JHY: variants seen among roughly 807,000 people sequenced by gnomAD.
JHY encodes the protein junctional cadherin complex regulator.
A neutral mutation model predicts 78.0 loss-of-function variants in JHY; 69 were observed. The observed-to-expected ratio is 0.88, with a 90% CI of 0.73 to 1.08. The LOEUF is 1.08. Ranked by LOEUF, JHY falls within the 50% of genes least tolerant of loss-of-function variation. The probability of loss-of-function intolerance (pLI) is 0.00; values close to 1 mark genes in which losing one functional copy is unlikely to be tolerated. For missense variants in JHY, 944 were observed against 927.8 expected (o/e 1.02, Z -0.23); for synonymous variants, 368 against 342.6 (o/e 1.07, Z -0.82).
Position 122,904,224 on chromosome 11 carries a change from A to G in JHY, c.644A>G (p.Asp215Gly). 1 of 1,614,214 alleles carries G rather than the reference A, an allele frequency of 6.2e-7. No individual in the cohort carries two copies. Among genetic ancestry groups the G allele is most frequent in the Non-Finnish European group, 8.5e-7 (1 of 1,180,042 alleles). ...AGCAAGCCGTTTTCAGAGCTGAGCGACAGTGACCTGGAGGAGAAGTCGAGC... is the reference window on the plus strand; with the variant it reads ...AGCAAGCCGTTTTCAGAGCTGAGCGGCAGTGACCTGGAGGAGAAGTCGAGC... The part of the protein sequence containing the change: ...RRSKPFSELS[D>G]SDLEEKSSSL... Residue 215 changes from aspartate (D) to glycine (G), a missense_variant, in exon 3 of 9, where the codon GAC becomes GGC. Physicochemically the swap from Asp to Gly is moderately conservative, Grantham distance 94. Coordinates refer to ENST00000227349, the MANE Select transcript of JHY (RefSeq NM_024806.4).
Position 122,917,407 on chromosome 11 carries a change from C to T in JHY, c.865-7490C>T, listed in dbSNP as rs552045581. Among the ~76,000 whole-genome samples the T allele has an allele frequency of 2.0e-5, 3 of 152,304 alleles. No individual in the cohort carries two copies. The highest frequency in any genetic ancestry group is 4.1e-4 in the South Asian group (2 of 4,826). On this transcript the variant is annotated intron_variant, in intron 3 of 8. Coordinates refer to ENST00000227349, the MANE Select transcript of JHY (RefSeq NM_024806.4). The surrounding 1 kb of genome is among the most constrained non-coding windows in gnomAD (Gnocchi z 4.1). ...GAGAAATTGGCAGACGTCTTTCATG[C>T]AGTCCCTTGTATGTCATTTTAAAGC...
intron 8 of JHY, among the ~76,000 whole-genome samples, chr11:122,958,408 G>A (rs146957178): frequency 6.6e-6 from 1 of 152,092 alleles, no homozygotes; most frequent in East Asian, 1.9e-4. Context: ...GAGTTTCTAT[G>A]GTGCTACTTT....
At chr11:122,943,792 G>A (rs572415368) in intron 5 of JHY, among the ~76,000 whole-genome samples, 27 of 152,136 alleles carry the variant, frequency 1.8e-4, no homozygotes, top group Non-Finnish European at 3.5e-4. Flanking sequence ...ATTGAGTCTG[G>A]TATATTTTTT....
intron 7 of JHY, among the ~76,000 whole-genome samples, chr11:122,956,815 G>A (rs531289273): frequency 5.3e-5 from 8 of 152,292 alleles, no homozygotes; most frequent in African/African-American, 1.9e-4. Context: ...AGGCCCGCAC[G>A]GAAAAGTGGG....
rs1345468128 is a variant in JHY, at chr11:122,961,935, C to T, written c.*2490C>T. Among the ~76,000 whole-genome samples, 1 of 152,200 alleles carries T rather than the reference C, an allele frequency of 6.6e-6. No individual in the cohort carries two copies. The highest frequency in any genetic ancestry group is 1.5e-5 in the Non-Finnish European group (1 of 68,034). On this transcript the variant is annotated 3_prime_UTR_variant, in exon 9 of 9. Coordinates refer to ENST00000227349, the MANE Select transcript of JHY (RefSeq NM_024806.4). Reference sequence around the variant, plus strand: ...CCAGAAACACCTAATGCAGGCAACTCTGAGAGACACACTTTATCAAAGCTC... The same window carrying T: ...CCAGAAACACCTAATGCAGGCAACTTTGAGAGACACACTTTATCAAAGCTC...
intron 6 of JHY, among the ~76,000 whole-genome samples, chr11:122,955,410 C>T (rs750928512): frequency 2.0e-5 from 3 of 152,078 alleles, no homozygotes; most frequent in Non-Finnish European, 4.4e-5. Context: ...CATGAGTCAC[C>T]GCGCCCAGCC....
At chr11:122,958,867 A>G (rs1357594989) in intron 8 of JHY, 16 of 985,352 alleles carry the variant, frequency 1.6e-5, no homozygotes, top group Non-Finnish European at 1.8e-5. Context: ...AGCTGTAACA[A>G]GTCTTCTTTG....
intron 5 of JHY, among the ~76,000 whole-genome samples, chr11:122,944,714 T>G (rs1863930827): frequency 6.6e-6 from 1 of 152,182 alleles, no homozygotes; most frequent in Non-Finnish European, 1.5e-5. Context: ...TAGAAGTTCT[T>G]TTAGCAAGTA....
intron 3 of JHY, among the ~76,000 whole-genome samples, chr11:122,918,149 C>T (rs968608241): frequency 1.3e-5 from 2 of 151,440 alleles, no homozygotes; most frequent in Non-Finnish European, 2.9e-5. Flanking sequence ...GATCTGCCTG[C>T]CTCAGCCTCC....
Position 122,904,052 on chromosome 11 carries a change from C to G in JHY, c.472C>G (p.Leu158Val), listed in dbSNP as rs1450461630. The G allele has an allele frequency of 1.2e-6, 2 of 1,614,186 alleles. No homozygotes were observed. Among genetic ancestry groups the G allele is most frequent in the South Asian group, 2.2e-5 (2 of 91,084 alleles). Reference sequence around the variant, plus strand: ...GTCCACGGACAGCTCTTTAGAAAATCTGCCTTTGGCTCCCCTCTACCCTTC... The same window carrying G: ...GTCCACGGACAGCTCTTTAGAAAATGTGCCTTTGGCTCCCCTCTACCCTTC... ...PESTDSSLEN[L>V]PLAPLYPSQE... The change falls in exon 3 of 9, where the codon CTG becomes GTG. Residue 158 changes from leucine (L) to valine (V), a missense_variant. By Grantham distance (32) the Leu-to-Val change is conservative. Transcript: ENST00000227349.
chr11:122,930,358 G>T (rs1211475389), intron 4 of JHY, among the ~76,000 whole-genome samples: 1 of 152,184 alleles, frequency 6.6e-6, no homozygotes, highest in African/African-American at 2.4e-5. Context: ...GGGATTACAG[G>T]CATGAGCCAC....
At chr11:122,892,914 G>T (rs181770006) in intron 2 of JHY, among the ~76,000 whole-genome samples, 4 of 152,142 alleles carry the variant, frequency 2.6e-5, no homozygotes, top group East Asian at 1.9e-4. Context: ...GATTTTTTTC[G>T]TACTGATTAG....
intron 5 of JHY, among the ~76,000 whole-genome samples, chr11:122,944,546 C>T (rs1176215525): frequency 6.6e-6 from 1 of 152,122 alleles, no homozygotes; most frequent in Non-Finnish European, 1.5e-5. Context: ...TTTTCTATCA[C>T]CTTATATATT....
At chr11:122,897,195 C>T (rs534958418) in intron 2 of JHY, among the ~76,000 whole-genome samples, 3 of 152,118 alleles carry the variant, frequency 2.0e-5, no homozygotes, top group African/African-American at 4.8e-5. Flanking sequence ...CTCAATAACA[C>T]GATGAGGTAG....
chr11:122,896,295 A>C (rs968081243), intron 2 of JHY, among the ~76,000 whole-genome samples: 4 of 139,264 alleles, frequency 2.9e-5, no homozygotes, highest in African/African-American at 1.1e-4. Context: ...GTGAGCTGAG[A>C]TCGCACCACT....
At chr11:122,951,839 A>G (rs1864093552) in intron 6 of JHY, among the ~76,000 whole-genome samples, 1 of 152,180 alleles carries the variant, frequency 6.6e-6, no homozygotes, top group South Asian at 2.1e-4. Context: ...CAATCCTCAG[A>G]TGGTGCCAGA....
At chr11:122,957,580 C>T (rs1372626561) in intron 8 of JHY, 89 bp downstream of exon 8, 29 of 1,250,670 alleles carry the variant, frequency 2.3e-5, no homozygotes, top group Non-Finnish European at 2.6e-5. Flanking sequence ...TTTTAATTAG[C>T]CACAGAGTCT....
chr11:122,886,096 G>A lies in JHY; in HGVS notation c.247G>A (p.Gly83Arg). ...AGACGAGGAGGAAAGCCCTCGATGG[G>A]GAAGCCTGCACGAGATGGAAGAGGA... is the stretch of plus-strand genomic sequence containing the variant. Reference protein sequence around the residue: ...SLDEEESPRWGSLHEMEEEAS... With the variant: ...SLDEEESPRWRSLHEMEEEAS... Residue 83 changes from glycine (G) to arginine (R), a missense_variant, in exon 2 of 9, where the codon GGA becomes AGA. Physicochemically the swap from Gly to Arg is moderately radical, Grantham distance 125. Transcript: ENST00000227349. 1 of 1,614,150 alleles carries A rather than the reference G, an allele frequency of 6.2e-7. No homozygotes were observed. The highest frequency in any genetic ancestry group is 8.5e-7 in the Non-Finnish European group (1 of 1,180,048).
intron 4 of JHY, among the ~76,000 whole-genome samples, chr11:122,926,283 G>GAACC (rs59462208): frequency 4.0e-5 from 6 of 151,676 alleles, no homozygotes; most frequent in Non-Finnish European, 8.8e-5. Context: ...CGTGTATGTG[G>GAACC]ACCCTTGGAC....
Sources: gnomAD v4.1 joint callset for allele counts (sites outside exome capture counted in the v4.1 genomes callset) on GRCh38, gnomAD v4.1.1 for gene constraint, Gnocchi (gnomAD v3.1) non-coding constraint, MANE v1.5 for transcripts, NCBI Gene and HGNC (gene_info 2026-07-23, HGNC 2026-07-21) for gene names.